TRDMT1: variants seen among roughly 807,000 people sequenced by gnomAD.
TRDMT1 encodes the protein tRNA aspartic acid methyltransferase 1.
Under a neutral mutation model 51.2 loss-of-function variants are expected in TRDMT1, and 49 were observed. The ratio of observed to expected loss-of-function variants is 0.96; its 90% CI spans 0.76 to 1.21. The LOEUF is 1.21. Among genes scored for constraint, TRDMT1 ranks in the 50% most tolerant of loss-of-function variants. TRDMT1 has a pLI of 0.00. For synonymous variants in TRDMT1, 187 were observed against 164.6 expected (o/e 1.14, Z -1.04); for missense variants, 534 against 462.3 (o/e 1.16, Z -1.42).
intron 10 of TRDMT1, chr10:17,151,589 T>C (rs919724729): frequency 3.0e-6 from 3 of 985,608 alleles, no homozygotes; most frequent in East Asian, 2.3e-4. Flanking sequence ...CAAAAACATA[T>C]CACGTATTTT....
intron 7 of TRDMT1, 147 bp downstream of exon 7, chr10:17,158,999 G>C: frequency 2.4e-6 from 1 of 423,974 alleles, no homozygotes; most frequent in Non-Finnish European, 4.1e-6. Context: ...CAGCCTTGAA[G>C]ATGGACCTAG....
chr10:17,142,015 T>C lies in TRDMT1; in HGVS notation c.*7025A>G, dbSNP rs1837730640. Among the ~76,000 whole-genome samples the C allele has an allele frequency of 1.3e-5, 2 of 151,866 alleles. No individual in the cohort carries two copies. Among genetic ancestry groups the C allele is most frequent in the Admixed American group, 6.6e-5 (1 of 15,236 alleles). On this transcript the variant is annotated 3_prime_UTR_variant, in exon 11 of 11. Coordinates refer to ENST00000377799, the MANE Select transcript of TRDMT1 (RefSeq NM_004412.7). Reference sequence around the variant, plus strand: ...CATATAGTGCACCTACCATAATGGTTCTTTTGTTAACTTCTATTTCTTTGC... The same window carrying C: ...CATATAGTGCACCTACCATAATGGTCCTTTTGTTAACTTCTATTTCTTTGC...
chr10:17,183,426 T>C (rs1191314803), intron 1 of TRDMT1, among the ~76,000 whole-genome samples: 2 of 152,174 alleles, frequency 1.3e-5, no homozygotes, highest in Non-Finnish European at 2.9e-5. Context: ...ATATCTTTAG[T>C]TACTTTTTTG....
intron 3 of TRDMT1, 87 bp downstream of exon 3, chr10:17,168,754 C>G: frequency 1.1e-6 from 1 of 929,098 alleles, no homozygotes; most frequent in Non-Finnish European, 1.6e-6. Flanking sequence ...AAACCTCTTT[C>G]TTTTGTAAAT....
chr10:17,146,052 C>T lies in TRDMT1; in HGVS notation c.*2988G>A. 17 of 985,384 alleles carry T rather than the reference C, an allele frequency of 1.7e-5. No homozygotes were observed. The highest frequency in any genetic ancestry group is 2.0e-5 in the Non-Finnish European group (17 of 829,916). The allele number at this position is 985,384 out of a possible 1,614,324, so 61.0% of individuals were successfully genotyped here. On this transcript the variant is annotated 3_prime_UTR_variant, in exon 11 of 11. Transcript: ENST00000377799. The stretch of plus-strand genomic sequence containing the variant: ...GAATTGCCTGCACTCATCTCTAACC[C>T]CATCCAATTTTACATCCCACATGGT...
chr10:17,157,471 G>T lies in TRDMT1; in HGVS notation c.857C>A (p.Thr286Asn), dbSNP rs771992731. ...GGTAAAGCACACGGACCTTCTACAA[G>T]TGGGCTGAACAATGTCTAACAGAAG... ...YALLLDIVQP[T>N]CRRSVCFTKG... Residue 286 changes from threonine to asparagine, a missense_variant, in exon 8 of 11, where the codon ACT becomes AAT. By Grantham distance (65) the Thr-to-Asn change is moderately conservative. Transcript: ENST00000377799. 145 of 1,610,786 alleles carry T rather than the reference G, an allele frequency of 9.0e-5. No individual in the cohort carries two copies. Among genetic ancestry groups the T allele is most frequent in the Admixed American group, 2.2e-4 (13 of 59,932 alleles).
At chr10:17,151,286 A>G (rs527793874) in intron 10 of TRDMT1, 1 of 983,600 alleles carries the variant, frequency 1.0e-6, no homozygotes, top group African/African-American at 1.7e-5. Context: ...AATAACAATA[A>G]TAATCCTCAA....
intron 8 of TRDMT1, among the ~76,000 whole-genome samples, chr10:17,156,641 T>C (rs1839552274): frequency 1.3e-5 from 2 of 152,194 alleles, no homozygotes; most frequent in South Asian, 4.1e-4. Context: ...CCTCTAAATG[T>C]TCATGAATAG....
rs1015413607 is a variant in TRDMT1, at chr10:17,145,216, C to T, written c.*3824G>A. 7.8e-6 allele frequency: 7 copies of T among 900,474 alleles called. No homozygotes were observed. The African/African-American group carries it at 1.3e-4, about 16-fold the overall frequency. 55.8% of individuals were successfully genotyped at this position (900,474 alleles called of 1,614,324 possible). Reference sequence around the variant, plus strand: ...GAGCCGAGATCACGCCACTGCACTCCAGCCTAGGCAACAGAGCGAGACTCA... The same window carrying T: ...GAGCCGAGATCACGCCACTGCACTCTAGCCTAGGCAACAGAGCGAGACTCA... On this transcript the variant is annotated 3_prime_UTR_variant, in exon 11 of 11. Coordinates refer to ENST00000377799, the MANE Select transcript of TRDMT1 (RefSeq NM_004412.7).
chr10:17,148,797 T>C lies in TRDMT1; in HGVS notation c.*243A>G. The C allele has an allele frequency of 9.3e-7, 1 of 1,075,924 alleles. No homozygotes were observed. The highest frequency in any genetic ancestry group is 1.1e-6 in the Non-Finnish European group (1 of 872,662). The allele number at this position is 1,075,924 out of a possible 1,614,324, so 66.6% of individuals were successfully genotyped here. On this transcript the variant is annotated 3_prime_UTR_variant, in exon 11 of 11. Coordinates refer to ENST00000377799, the MANE Select transcript of TRDMT1 (RefSeq NM_004412.7). ...TAAAAAGAATATTCCACATATATAT[T>C]TATCAGTTTCATATGAAAATATACT... is the stretch of plus-strand genomic sequence containing the variant.
At chr10:17,160,070 G>C (rs549584287) in intron 6 of TRDMT1, among the ~76,000 whole-genome samples, 2 of 152,130 alleles carry the variant, frequency 1.3e-5, no homozygotes, top group South Asian at 4.2e-4. Flanking sequence ...CTCTCTAAAA[G>C]AGAAATATAG....
Position 17,145,578 on chromosome 10 carries a change from A to G in TRDMT1, c.*3462T>C, listed in dbSNP as rs932897619. ...AGTGTCATAACTGGTGGCCTAAAAC[A>G]GTTAGAATCCCAAGCCGAAGGCCAA... On this transcript the variant is annotated 3_prime_UTR_variant, in exon 11 of 11. Transcript: ENST00000377799. 1.0e-5 allele frequency: 10 copies of G among 985,334 alleles called. No individual in the cohort carries two copies. Among genetic ancestry groups the G allele is most frequent in the Non-Finnish European group, 1.2e-5 (10 of 829,940 alleles). The allele number at this position is 985,334 out of a possible 1,614,324, so 61.0% of individuals were successfully genotyped here.
Position 17,148,827 on chromosome 10 carries a change from A to G in TRDMT1, c.*213T>C. The stretch of plus-strand genomic sequence containing the variant: ...AGTTTCATATGAAAATATACTCTCC[A>G]TAAAGCATAACAATAGTTCGTATTT... On this transcript the variant is annotated 3_prime_UTR_variant, in exon 11 of 11. Transcript: ENST00000377799. 2 of 1,150,084 alleles carry G rather than the reference A, an allele frequency of 1.7e-6. No individual in the cohort carries two copies. Among genetic ancestry groups the G allele is most frequent in the South Asian group, 2.4e-5 (1 of 41,558 alleles). 71.2% of individuals were successfully genotyped at this position (1,150,084 alleles called of 1,614,324 possible). A position where few individuals can be genotyped will look rare whatever the true frequency, so the allele number is the denominator to read the frequency against.
In TRDMT1 at chr10:17,138,756, T is replaced by C. The variant is rs1405261883; in HGVS notation, c.*10284A>G. 6.6e-6 allele frequency among the ~76,000 whole-genome samples: 1 copy of C among 152,080 alleles called. No individual in the cohort carries two copies. The highest frequency in any genetic ancestry group is 1.9e-4 in the East Asian group (1 of 5,192). On this transcript the variant is annotated 3_prime_UTR_variant, in exon 11 of 11. Transcript: ENST00000377799. ...AGTTTGGAGAACTTTTCCACTTTTT[T>C]CAAGTTTTTTTTTTTAAGTAATATA...
intron 1 of TRDMT1, among the ~76,000 whole-genome samples, chr10:17,181,897 G>C (rs1483218939): frequency 4.6e-5 from 7 of 152,112 alleles, no homozygotes; most frequent in African/African-American, 1.7e-4. Context: ...TCTGGCAATA[G>C]TCCCAGATTT....
chr10:17,143,375 C>T lies in TRDMT1; in HGVS notation c.*5665G>A, dbSNP rs61841763. ...CATTTTCCATTTTTAAAACTCAGAT[C>T]GTAACAGCTATTCAGCTTATTGTCT... On this transcript the variant is annotated 3_prime_UTR_variant, in exon 11 of 11. Coordinates refer to ENST00000377799, the MANE Select transcript of TRDMT1 (RefSeq NM_004412.7). The T allele has an allele frequency of 0.01, 10,083 of 985,380 alleles. 57 individuals are homozygous for T. The highest frequency in any genetic ancestry group is 0.011 in the Non-Finnish European group (9,461 of 829,906). The allele number at this position is 985,380 out of a possible 1,614,324, so 61.0% of individuals were successfully genotyped here.
intron 1 of TRDMT1, among the ~76,000 whole-genome samples, chr10:17,193,541 G>A (rs975544707): frequency 3.2e-4 from 49 of 152,098 alleles, no homozygotes; most frequent in African/African-American, 1.2e-3. Flanking sequence ...AATCAAGAAT[G>A]TGATCTTCTT....
intron 1 of TRDMT1, among the ~76,000 whole-genome samples, chr10:17,180,016 G>C (rs1176223177): frequency 2.0e-5 from 3 of 152,082 alleles, no homozygotes; most frequent in Non-Finnish European, 4.4e-5. Context: ...GATACTCTAT[G>C]AGCATTTAAG....
chr10:17,196,291 G>T (rs1387575597), intron 1 of TRDMT1, among the ~76,000 whole-genome samples: 1 of 152,212 alleles, frequency 6.6e-6, no homozygotes, highest in Non-Finnish European at 1.5e-5. Context: ...AAGCTATTTG[G>T]CAGACAGGCC....
Sources: gnomAD v4.1 joint callset for allele counts (sites outside exome capture counted in the v4.1 genomes callset) on GRCh38, gnomAD v4.1.1 for gene constraint, MANE v1.5 for transcripts, NCBI Gene and HGNC (gene_info 2026-07-23, HGNC 2026-07-21) for gene names.